Variants in CD99 observed in about 807,000 individuals in gnomAD.
CD99 encodes CD99 molecule (Xg blood group).
CD99 carries 19 observed loss-of-function variants against 28.4 expected under a neutral mutation model. The observed-to-expected ratio is 0.67, with a 90% CI of 0.47 to 0.98. The LOEUF is 0.98. CD99 is among the 50% of genes least tolerant of loss of function. The pLI is 0.00. For missense variants in CD99, 283 were observed against 248.8 expected (o/e 1.14, Z -0.92); for synonymous variants, 103 against 92.1 (o/e 1.12, Z -0.67).
At position 2,722,156 on chromosome X, in the gene CD99, A is replaced by G. The variant is rs569341478; in HGVS notation, c.263-471A>G. Among the ~76,000 whole-genome samples, 70 of 152,124 alleles carry G rather than the reference A, an allele frequency of 4.6e-4. 1 individual carries two copies. The East Asian group carries it at 6.7e-3, about 15-fold the overall frequency. On this transcript the variant is annotated intron_variant, in intron 5 of 9. Transcript: ENST00000381192. ...AAAAAAAAAAAACAAACCTGCATCA[A>G]TTGGCCGTGGATACTTCTTATTTTG...
chrX:2,738,106 C>T (rs1474741344), intron 8 of CD99, 94 bp from the exon 9 acceptor site: 13 of 1,128,548 alleles, frequency 1.2e-5, no homozygotes, highest in Middle Eastern at 1.9e-4. Flanking sequence ...ATAGGAGCGT[C>T]GACCTCAGGA....
chrX:2,714,410 T>G lies in CD99; in HGVS notation c.68-12T>G. 1 of 1,579,306 alleles carries G rather than the reference T, an allele frequency of 6.3e-7. No individual in the cohort carries two copies. The highest frequency in any genetic ancestry group is 8.7e-7 in the Non-Finnish European group (1 of 1,154,240). On this transcript the variant is annotated splice_polypyrimidine_tract_variant and intron_variant, in intron 1 of 9. Coordinates refer to ENST00000381192, the MANE Select transcript of CD99 (RefSeq NM_002414.5). ...TTCTTGTTTCTAAGTTGACTCTTTT[T>G]TTCTCTCTTAGATGGTGGTTTCGAT... is the stretch of plus-strand genomic sequence containing the variant.
chrX:2,697,803 A>G (rs1029012466), intron 1 of CD99, among the ~76,000 whole-genome samples: 1 of 152,064 alleles, frequency 6.6e-6, no homozygotes, highest in Non-Finnish European at 1.5e-5. Flanking sequence ...GAATTAACAC[A>G]GGGCTGTCTT....
At chrX:2,709,484 T>G (rs192372628) in intron 1 of CD99, among the ~76,000 whole-genome samples, 7 of 152,178 alleles carry the variant, frequency 4.6e-5, no homozygotes. Flanking sequence ...TGCAAACAGG[T>G]GTGCATTCAG....
intron 1 of CD99, among the ~76,000 whole-genome samples, chrX:2,695,289 T>G (rs1042966413): frequency 2.0e-5 from 3 of 152,046 alleles, no homozygotes; most frequent in Non-Finnish European, 4.4e-5. Context: ...CATGGCAATC[T>G]CTCCATCTCA....
intron 1 of CD99, among the ~76,000 whole-genome samples, chrX:2,695,061 C>T (rs1488260670): frequency 6.6e-6 from 1 of 152,124 alleles, no homozygotes; most frequent in Admixed American, 6.5e-5. Flanking sequence ...TTCTCAGTAG[C>T]CACGTGGACC....
intron 8 of CD99, chrX:2,733,507 G>T: frequency 2.2e-6 from 2 of 911,420 alleles, no homozygotes; most frequent in Non-Finnish European, 3.4e-6. Context: ...CACCACGATG[G>T]GATTCTCAAT....
At chrX:2,691,910 G>A (rs1321522085) in intron 1 of CD99, 1 of 779,354 alleles carries the variant, frequency 1.3e-6, no homozygotes, top group Admixed American at 1.7e-5. Context: ...CGGGTGGTGG[G>A]GGGAAGGGAA....
intron 8 of CD99, chrX:2,727,179 T>C (rs1344590754): frequency 1.4e-6 from 1 of 714,638 alleles, no homozygotes; most frequent in Non-Finnish European, 2.6e-6. Flanking sequence ...GGATTCCCTT[T>C]CTGTTAGTAC....
chrX:2,716,627 G>A (rs1196582660), intron 2 of CD99, among the ~76,000 whole-genome samples: 11 of 152,220 alleles, frequency 7.2e-5, no homozygotes, highest in Non-Finnish European at 1.3e-4. Flanking sequence ...AAAGTGCTGA[G>A]GCGTGAGAGG....
chrX:2,701,230 T>TCCAC (rs1556302805), intron 1 of CD99, among the ~76,000 whole-genome samples: 21 of 151,558 alleles, frequency 1.4e-4, no homozygotes, highest in African/African-American at 4.6e-4. Context: ...CATCCATCCA[T>TCCAC]CCACCCACCC....
At chrX:2,712,961 C>T (rs1336164958) in intron 1 of CD99, among the ~76,000 whole-genome samples, 1 of 151,580 alleles carries the variant, frequency 6.6e-6, no homozygotes, top group Non-Finnish European at 1.5e-5. Flanking sequence ...CTGCACACTA[C>T]ACACACCTAC....
intron 1 of CD99, 199 bp downstream of exon 1, chrX:2,691,626 T>A (rs1418329470): frequency 1.4e-6 from 1 of 719,172 alleles, no homozygotes; most frequent in African/African-American, 1.7e-5. Context: ...CCTGGAGCCG[T>A]TCCAGAGAGA....
At chrX:2,731,303 C>A (rs1174052300) in intron 8 of CD99, among the ~76,000 whole-genome samples, 2 of 152,102 alleles carry the variant, frequency 1.3e-5, no homozygotes, top group Non-Finnish European at 2.9e-5. Context: ...CTTCAAGAAA[C>A]CATGGGCCAG....
rs1269312659 is a variant in CD99 at position 2,730,250 on chromosome X, G to C, written c.475+3877G>C. On this transcript the variant is annotated intron_variant, in intron 8 of 9. Transcript: ENST00000381192. ...TGCAATGGCGTGATCTCGGCTCACTGCAGCCTCTGCCTCCCGGGTTCAAGC... is the reference window on the plus strand; with the variant it reads ...TGCAATGGCGTGATCTCGGCTCACTCCAGCCTCTGCCTCCCGGGTTCAAGC... 2.7e-5 allele frequency among the ~76,000 whole-genome samples: 4 copies of C among 150,592 alleles called. No individual in the cohort carries two copies. The East Asian group carries it at 8.0e-4, about 30-fold the overall frequency.
intron 1 of CD99, 54 bp from the exon 2 acceptor site, chrX:2,714,368 C>G: frequency 7.1e-7 from 1 of 1,399,882 alleles, no homozygotes; most frequent in African/African-American, 1.4e-5. Flanking sequence ...CTATAATATT[C>G]AAATTTATTT....
At chrX:2,703,380 G>A (rs937161286) in intron 1 of CD99, among the ~76,000 whole-genome samples, 8 of 152,144 alleles carry the variant, frequency 5.3e-5, no homozygotes, top group African/African-American at 1.9e-4. Flanking sequence ...TGTTGGCTTC[G>A]AGATCAATGT....
chrX:2,737,479 C>T (rs2050004460), intron 8 of CD99, among the ~76,000 whole-genome samples: 2 of 144,258 alleles, frequency 1.4e-5, no homozygotes, highest in South Asian at 4.5e-4. Flanking sequence ...CCAGCCTCTG[C>T]ATTTATTTTT....
At chrX:2,720,622 T>C (rs1159832463) in intron 5 of CD99, among the ~76,000 whole-genome samples, 198 bp downstream of exon 5, 1 of 82,088 alleles carries the variant, frequency 1.2e-5, no homozygotes, top group Non-Finnish European at 2.4e-5. Flanking sequence ...TTAGTTTGCT[T>C]TTTTTTTTTT....
Sources: gnomAD v4.1 joint callset for allele counts (sites outside exome capture counted in the v4.1 genomes callset) on GRCh38, gnomAD v4.1.1 for gene constraint, MANE v1.5 for transcripts, NCBI Gene and HGNC (gene_info 2026-07-23, HGNC 2026-07-21) for gene names.